SH2D4A: variants seen among roughly 807,000 people sequenced by gnomAD.
SH2D4A encodes the protein SH2 domain containing 4A.
In SH2D4A, 70 loss-of-function variants were observed where a neutral mutation model predicts 64.7. That is an observed-to-expected ratio of 1.08 (90% CI 0.89 to 1.32). SH2D4A has a LOEUF of 1.32. Ranked by LOEUF, SH2D4A falls within the 40% of genes most tolerant of loss-of-function variation. The pLI is 0.00. For synonymous variants in SH2D4A, 268 were observed against 200.7 expected, an observed-to-expected ratio of 1.34 and a Z score of -2.83; for missense variants, 706 against 540.1, an observed-to-expected ratio of 1.31 and a Z score of -3.04.
intron 8 of SH2D4A, among the ~76,000 whole-genome samples, chr8:19,374,514 A>G (rs191023046): frequency 1.3e-5 from 2 of 152,346 alleles, no homozygotes; most frequent in East Asian, 3.9e-4. Context: ...TCCTCAAAGT[A>G]GTATCATCTC....
chr8:19,346,601 G>GC (rs1444005331), intron 4 of SH2D4A, among the ~76,000 whole-genome samples: 2 of 152,096 alleles, frequency 1.3e-5, no homozygotes, highest in South Asian at 4.1e-4. Flanking sequence ...TCCCTCTGGC[G>GC]CCCCCTATCT....
chr8:19,326,173 C>T (rs944012207), intron 2 of SH2D4A, among the ~76,000 whole-genome samples: 1 of 152,218 alleles, frequency 6.6e-6, no homozygotes, highest in African/African-American at 2.4e-5. Context: ...TGATCTTGGG[C>T]AAGTTATTTA....
At chr8:19,358,186 T>C (rs541189367) in intron 5 of SH2D4A, among the ~76,000 whole-genome samples, 1 of 152,304 alleles carries the variant, frequency 6.6e-6, no homozygotes, top group South Asian at 2.1e-4. Context: ...TCATTTTAAA[T>C]GGGGACAGCT....
chr8:19,351,255 C>CTA (rs137907763), intron 4 of SH2D4A, among the ~76,000 whole-genome samples: 5,772 of 152,234 alleles, frequency 0.038, 170 homozygotes, highest in South Asian at 0.1. Flanking sequence ...AATGGGTGAG[C>CTA]TATAGACCAC....
intron 1 of SH2D4A, among the ~76,000 whole-genome samples, chr8:19,314,372 A>G (rs572302514): frequency 5.3e-5 from 8 of 152,058 alleles, no homozygotes; most frequent in Non-Finnish European, 1.0e-4. Context: ...TTCCCCGCGC[A>G]CCGGCACCCA....
chr8:19,332,514 A>G (rs971521165), intron 2 of SH2D4A, among the ~76,000 whole-genome samples: 2 of 151,946 alleles, frequency 1.3e-5, no homozygotes, highest in African/African-American at 4.8e-5. Context: ...GATGCCTGTA[A>G]TGGTGAAACC....
At chr8:19,389,095 T>C (rs766367654) in intron 8 of SH2D4A, among the ~76,000 whole-genome samples, 6 of 152,168 alleles carry the variant, frequency 3.9e-5, no homozygotes, top group Non-Finnish European at 7.4e-5. Flanking sequence ...TAGACTAGGA[T>C]CAGGACACGT....
intron 8 of SH2D4A, among the ~76,000 whole-genome samples, chr8:19,388,486 T>C (rs2053427895): frequency 6.6e-6 from 1 of 152,196 alleles, no homozygotes; most frequent in Non-Finnish European, 1.5e-5. Flanking sequence ...CAAATGACCT[T>C]AAGCAGGGTT....
At chr8:19,374,549 G>C (rs2053162107) in intron 8 of SH2D4A, among the ~76,000 whole-genome samples, 1 of 152,160 alleles carries the variant, frequency 6.6e-6, no homozygotes. Flanking sequence ...CCACAAAAAG[G>C]AAACTCCCAA....
chr8:19,353,368 GT>G (rs71545549), intron 4 of SH2D4A, among the ~76,000 whole-genome samples: 12,905 of 131,204 alleles, frequency 0.098, 544 homozygotes, highest in African/African-American at 0.17. Flanking sequence ...TAATCATCTA[GT>G]TTTTTTTTTT....
intron 4 of SH2D4A, among the ~76,000 whole-genome samples, chr8:19,353,855 T>G (rs1031493924): frequency 3.3e-5 from 5 of 152,070 alleles, no homozygotes; most frequent in African/African-American, 1.2e-4. Context: ...AAATCTTGGT[T>G]CACCTTGAAA....
chr8:19,314,593 G>C (rs573235581), intron 1 of SH2D4A, among the ~76,000 whole-genome samples: 1 of 152,198 alleles, frequency 6.6e-6, no homozygotes, highest in Non-Finnish European at 1.5e-5. Context: ...TCCCTTCCCA[G>C]GGAGCTTAGA....
At position 19,361,251 on chromosome 8, in the gene SH2D4A, GAA is replaced by G; in HGVS notation, c.644_645del (p.Glu215GlyfsTer9). 1 of 1,606,212 alleles carries G rather than the reference GAA, an allele frequency of 6.2e-7. No homozygotes were observed. Among genetic ancestry groups the G allele is most frequent in the African/African-American group, 1.3e-5 (1 of 74,698 alleles). ...KKQDEEINQI[E>X]EERTKQICKS... ...ACAAGATGAAGAAATAAATCAAATA[GAA>G]GAAGAGAGAACGAAGCAGATTTGTA... On this transcript the variant is annotated frameshift_variant, in exon 6 of 10. Coordinates refer to ENST00000265807, the MANE Select transcript of SH2D4A (RefSeq NM_022071.4). LOFTEE classifies it high-confidence loss of function.
chr8:19,332,516 G>C (rs1423108448), intron 2 of SH2D4A, among the ~76,000 whole-genome samples: 2 of 151,712 alleles, frequency 1.3e-5, no homozygotes, highest in Non-Finnish European at 2.9e-5. Context: ...TGCCTGTAAT[G>C]GTGAAACCCT....
chr8:19,351,388 G>T (rs1019147144), intron 4 of SH2D4A, among the ~76,000 whole-genome samples: 1 of 152,126 alleles, frequency 6.6e-6, no homozygotes, highest in Non-Finnish European at 1.5e-5. Context: ...TGGATCACAA[G>T]GTCAGGAGAT....
intron 4 of SH2D4A, among the ~76,000 whole-genome samples, chr8:19,336,589 A>G (rs1453441499): frequency 1.3e-5 from 2 of 152,264 alleles, no homozygotes; most frequent in Non-Finnish European, 2.9e-5. Context: ...GTTTGCTCAC[A>G]CTTGTAATCT....
chr8:19,359,736 A>AAGCACTT (rs1291885556), intron 5 of SH2D4A, among the ~76,000 whole-genome samples: 3,972 of 152,322 alleles, frequency 0.026, 152 homozygotes, highest in African/African-American at 0.09. Context: ...AAGTTTAGTT[A>AAGCACTT]CATCTGCAGT....
At chr8:19,354,681 G>C (rs1190244470) in intron 4 of SH2D4A, among the ~76,000 whole-genome samples, 1 of 152,208 alleles carries the variant, frequency 6.6e-6, no homozygotes, top group African/African-American at 2.4e-5. Context: ...GAGATGAACT[G>C]TTCAGTTTAA....
At chr8:19,319,278 A>G (rs1585140982) in intron 1 of SH2D4A, 66 bp from the exon 2 acceptor site, 2 of 1,108,862 alleles carry the variant, frequency 1.8e-6, no homozygotes, top group Non-Finnish European at 2.2e-6. Context: ...TTTTTTTTAA[A>G]CCCGTCCTAG....
Sources: allele counts gnomAD v4.1 joint callset (sites outside exome capture counted in the v4.1 genomes callset), GRCh38; gene constraint gnomAD v4.1.1; transcripts MANE v1.5; gene names NCBI Gene and HGNC (gene_info 2026-07-23, HGNC 2026-07-21).